Variants in CLASP1 observed in about 807,000 individuals in gnomAD.
CLASP1 encodes cytoplasmic linker associated protein 1, also known as CLIP-associating protein 1.
CLASP1 carries 38 observed loss-of-function variants against 192.3 expected under a neutral mutation model. The ratio of observed to expected loss-of-function variants is 0.20; its 90% CI spans 0.15 to 0.26. CLASP1 has a LOEUF of 0.26. CLASP1 is among the 10% of genes least tolerant of loss of function. The pLI is 1.00. For missense variants in CLASP1, 1,433 were observed against 1,932.5 expected (o/e 0.74, Z 4.85); for synonymous variants, 691 against 712.8 (o/e 0.97, Z 0.49).
At chr2:121,590,448 A>G (rs546355016) in intron 2 of CLASP1, among the ~76,000 whole-genome samples, 4 of 152,368 alleles carry the variant, frequency 2.6e-5, no homozygotes, top group East Asian at 1.9e-4. Context: ...AAATCATCTT[A>G]TAAGTGATAT....
At chr2:121,530,369 G>A (rs1171262319) in intron 2 of CLASP1, 44 bp from the exon 3 acceptor site, 3 of 1,493,410 alleles carry the variant, frequency 2.0e-6, no homozygotes, top group South Asian at 2.4e-5. Flanking sequence ...CCGGCCTGCG[G>A]GGCAGCGCTC....
chr2:121,387,709 C>T, intron 31 of CLASP1, 54 bp downstream of exon 32: 1 of 1,576,230 alleles, frequency 6.3e-7, no homozygotes, highest in Non-Finnish European at 8.7e-7. Flanking sequence ...TAGATAAGGG[C>T]TACGCAGAGG....
intron 2 of CLASP1, among the ~76,000 whole-genome samples, chr2:121,602,123 C>T (rs1049368559): frequency 4.7e-5 from 7 of 150,352 alleles, no homozygotes; most frequent in African/African-American, 1.7e-4. Context: ...TGCAGTGAGC[C>T]GAGATTACGC....
chr2:121,379,172 A>AATTC (rs2071006505), intron 33 of CLASP1, among the ~76,000 whole-genome samples: 1 of 151,858 alleles, frequency 6.6e-6, no homozygotes. Flanking sequence ...TATGGCCCAG[A>AATTC]TAAAACCCAC....
intron 1 of CLASP1, among the ~76,000 whole-genome samples, chr2:121,641,075 G>A (rs141655995): frequency 8.1e-4 from 123 of 152,298 alleles, no homozygotes; most frequent in Middle Eastern, 3.4e-3. Flanking sequence ...CTGTTTTTAT[G>A]CAGTTCAAGT....
intron 14 of CLASP1, among the ~76,000 whole-genome samples, chr2:121,453,956 T>C (rs1377494955): frequency 6.6e-6 from 1 of 152,152 alleles, no homozygotes; most frequent in East Asian, 1.9e-4. Context: ...CTCTATTACT[T>C]CTCTCAGCAT....
chr2:121,346,962 A>AGCT lies in CLASP1; in HGVS notation c.4530+73_4530+75dup, dbSNP rs553145870. On this transcript the variant is annotated intron_variant, in intron 39 of 39. Transcript: ENST00000263710. ...TGAACAAAACCTGTCTGGAATCCAG[A>AGCT]GCTGCAGTCAAATGGATTTATGACA... The AGCT allele has an allele frequency of 3.3e-4, 281 of 856,882 alleles. 2 individuals carry two copies. In the African/African-American group the frequency reaches 4.4e-3, roughly 13 times the overall value. 53.1% of individuals were successfully genotyped at this position (856,882 alleles called of 1,614,324 possible). A position where few individuals can be genotyped will look rare whatever the true frequency, so the allele number is the denominator to read the frequency against.
At chr2:121,574,450 C>T (rs1292544513) in intron 2 of CLASP1, among the ~76,000 whole-genome samples, 2 of 151,714 alleles carry the variant, frequency 1.3e-5, no homozygotes, top group Non-Finnish European at 2.9e-5. Flanking sequence ...GCCTGGCCAA[C>T]GTGGTGAAAC....
intron 2 of CLASP1, among the ~76,000 whole-genome samples, chr2:121,594,483 C>G (rs1424575485): frequency 6.6e-6 from 1 of 151,082 alleles, no homozygotes; most frequent in African/African-American, 2.4e-5. Context: ...ACCTCCGCCT[C>G]CCGGGTTCAC....
chr2:121,536,378 G>GGAA lies in CLASP1; in HGVS notation c.196-6054_196-6053insTTC, dbSNP rs1428457756. ...CCTGGGCGACAGAGCAAGACTGTCT[G>GGAA]AAAAAAAAAAAAAAAAAAAAAAAAG... On this transcript the variant is annotated intron_variant, in intron 2 of 39. Coordinates refer to ENST00000263710, the Ensembl canonical transcript of CLASP1. Among the ~76,000 whole-genome samples the GGAA allele has an allele frequency of 8.7e-4, 42 of 48,298 alleles. 1 individual carries two copies. The East Asian group carries it at 9.9e-3, about 11-fold the overall frequency. 31.7% of individuals were successfully genotyped at this position (48,298 alleles called of 152,430 possible). A position where few individuals can be genotyped will look rare whatever the true frequency, so the allele number is the denominator to read the frequency against.
chr2:121,612,037 G>A (rs769399642), intron 1 of CLASP1, among the ~76,000 whole-genome samples: 3 of 150,220 alleles, frequency 2.0e-5, no homozygotes, highest in Non-Finnish European at 4.4e-5. Flanking sequence ...GGAACTGGAA[G>A]AGGAGGAGTT....
At chr2:121,471,043 G>A (rs558537642) in intron 8 of CLASP1, among the ~76,000 whole-genome samples, 16 of 152,166 alleles carry the variant, frequency 1.1e-4, no homozygotes, top group Non-Finnish European at 2.4e-4. Flanking sequence ...ACCACTTTGG[G>A]AGGCCAAAAT....
chr2:121,621,373 G>T (rs1028814808), intron 1 of CLASP1, among the ~76,000 whole-genome samples: 5 of 152,038 alleles, frequency 3.3e-5, no homozygotes, highest in Admixed American at 3.3e-4. Flanking sequence ...GGGCTCAAGC[G>T]ATCCTCCCAC....
intron 19 of CLASP1, among the ~76,000 whole-genome samples, chr2:121,436,141 C>T (rs61678148): frequency 6.6e-6 from 1 of 151,686 alleles, no homozygotes; most frequent in Non-Finnish European, 1.5e-5. Context: ...AAGTGATTCT[C>T]GTGCCTCAGT....
At chr2:121,570,513 T>G (rs968385768) in intron 2 of CLASP1, among the ~76,000 whole-genome samples, 1 of 152,242 alleles carries the variant, frequency 6.6e-6, no homozygotes, top group Non-Finnish European at 1.5e-5. Flanking sequence ...CAGAATCTAG[T>G]GAACTCTTAA....
chr2:121,337,936 T>C (rs1201410614), exon 40 of CLASP1: 1 of 58,436 alleles, frequency 1.7e-5, no homozygotes, highest in Non-Finnish European at 3.0e-5. Flanking sequence ...GGATGTAACA[T>C]GAAAAAGCCC....
chr2:121,534,617 A>G (rs1032711651), intron 2 of CLASP1, among the ~76,000 whole-genome samples: 1 of 151,944 alleles, frequency 6.6e-6, no homozygotes, highest in Non-Finnish European at 1.5e-5. Flanking sequence ...TGCTCACTGC[A>G]ACCTCCGCCT....
chr2:121,630,381 AACAC>A (rs60827939), intron 1 of CLASP1, among the ~76,000 whole-genome samples: 67,796 of 138,824 alleles, frequency 0.49, 17,237 homozygotes, highest in East Asian at 0.66. Context: ...ATTGGAAAGA[AACAC>A]ACACACACAC....
At chr2:121,543,186 T>A (rs141218398) in intron 2 of CLASP1, among the ~76,000 whole-genome samples, 245 of 152,136 alleles carry the variant, frequency 1.6e-3, no homozygotes, top group African/African-American at 5.6e-3. Context: ...TAGGTAAAAA[T>A]AAGGCCGGTT....
Sources: gnomAD v4.1 joint callset for allele counts (sites outside exome capture counted in the v4.1 genomes callset) on GRCh38, gnomAD v4.1.1 for gene constraint, MANE v1.5 for transcripts, NCBI Gene and HGNC (gene_info 2026-07-23, HGNC 2026-07-21) for gene names.